Variants in ZMYM1 observed in about 807,000 individuals in gnomAD.
ZMYM1 encodes zinc finger MYM-type protein 1.
In ZMYM1, 39 loss-of-function variants were observed where a neutral mutation model predicts 60.0. That is an observed-to-expected ratio of 0.65 (90% CI 0.50 to 0.85). The LOEUF is 0.85. ZMYM1 is among the 40% of genes least tolerant of loss of function. The pLI is 0.00. For missense variants in ZMYM1, 1,171 were observed against 1,309.5 expected (o/e 0.89, Z 1.63); for synonymous variants, 413 against 454.0 (o/e 0.91, Z 1.15).
intron 1 of ZMYM1, among the ~76,000 whole-genome samples, chr1:35,073,365 G>GGAAGGAAGGAAGGAAA (rs1557626645): frequency 1.9e-4 from 27 of 145,900 alleles, no homozygotes; most frequent in Admixed American, 5.6e-4. Context: ...AAGGAAGGAA[G>GGAAGGAAGGAAGGAAA]GAAGGAAGGA....
At chr1:35,102,110 G>A (rs1643691281) in intron 4 of ZMYM1, among the ~76,000 whole-genome samples, 1 of 152,138 alleles carries the variant, frequency 6.6e-6, no homozygotes, top group Admixed American at 6.5e-5. Context: ...GCAAAGTGTT[G>A]TTTTGGTTGA....
chr1:35,118,298 A>G (rs1451448989), downstream of ZMYM1, among the ~76,000 whole-genome samples: 1 of 151,676 alleles, frequency 6.6e-6, no homozygotes, highest in Admixed American at 6.6e-5. Context: ...TGTGTGTTGC[A>G]TATATTTTCA....
downstream of ZMYM1, among the ~76,000 whole-genome samples, chr1:35,118,006 A>G (rs1427208643): frequency 6.6e-6 from 1 of 151,732 alleles, no homozygotes; most frequent in Non-Finnish European, 1.5e-5. Context: ...TTGGGAGGCT[A>G]AGGCAGGCGG....
chr1:35,098,773 G>A (rs1643477395), intron 4 of ZMYM1, among the ~76,000 whole-genome samples: 1 of 152,098 alleles, frequency 6.6e-6, no homozygotes, highest in Non-Finnish European at 1.5e-5. Flanking sequence ...TGAGCACTGT[G>A]GCATGCACCT....
rs1253752003 is a variant in ZMYM1 at position 35,097,451 on chromosome 1, G to T, written c.304G>T (p.Ala102Ser). ...CKKILQKGQT[A>S]YQRKGSAQLF... ...AAAAATTCTCCAGAAGGGGCAAACT[G>T]CTTATCAGAGGAAAGGATCTGCTCA... Residue 102 changes from alanine to serine, a missense_variant, in exon 4 of 10, where the codon GCT becomes TCT. Transcript: ENST00000359858. 1 of 1,614,028 alleles carries T rather than the reference G, an allele frequency of 6.2e-7. No individual in the cohort carries two copies. The highest frequency in any genetic ancestry group is 8.5e-7 in the Non-Finnish European group (1 of 1,180,036).
intron 6 of ZMYM1, among the ~76,000 whole-genome samples, chr1:35,107,296 T>A (rs1360377211): frequency 2.6e-4 from 35 of 135,352 alleles, no homozygotes; most frequent in African/African-American, 1.0e-3. Context: ...CCATCGTTAC[T>A]AAAAATACAA....
Position 35,113,057 on chromosome 1 carries a change from A to G in ZMYM1, c.1227A>G (p.Ser409=), listed in dbSNP as rs368759020. The change falls in exon 10 of 10, where the codon TCA becomes TCG. Residue 409 remains serine, a synonymous_variant. Coordinates refer to ENST00000359858, the MANE Select transcript of ZMYM1 (RefSeq NM_024772.5). ...AACAGCCAAGCGTTTCACCATCTTC[A>G]TCAGTATTCAGTCAGCATGCAATTG... is the stretch of plus-strand genomic sequence containing the variant. ...STEQPSVSPS[S]SVFSQHAIGS... 1 of 1,613,882 alleles carries G rather than the reference A, an allele frequency of 6.2e-7. No homozygotes were observed. Among genetic ancestry groups the G allele is most frequent in the African/African-American group, 1.3e-5 (1 of 74,930 alleles).
Position 35,111,868 on chromosome 1 carries a change from A to G in ZMYM1, c.1058A>G (p.Asp353Gly), listed in dbSNP as rs767324177. Residue 353 changes from aspartate to glycine, a missense_variant, in exon 8 of 10, where the codon GAC (aspartate) becomes GGC (glycine). Transcript: ENST00000359858. ...ATAAGCAATATAGTGTCATTGGCAG[A>G]CACCGATGTTGCCTTGCCCATCATG... is the stretch of plus-strand genomic sequence containing the variant. ...PVISNIVSLA[D>G]TDVALPIMNT... is the part of the protein sequence containing the mutation. 1 of 1,605,114 alleles carries G rather than the reference A, an allele frequency of 6.2e-7. No homozygotes were observed. Among genetic ancestry groups the G allele is most frequent in the South Asian group, 1.1e-5 (1 of 89,390 alleles).
At chr1:35,074,961 C>T (rs865817971), upstream of ZMYM1, among the ~76,000 whole-genome samples, 35 of 149,892 alleles carry the variant, frequency 2.3e-4, no homozygotes, top group African/African-American at 2.7e-4. Flanking sequence ...CCTGGGTTTA[C>T]GCCATTCTCC....
At chr1:35,111,333 G>C (rs1644079394) in intron 7 of ZMYM1, among the ~76,000 whole-genome samples, 2 of 152,134 alleles carry the variant, frequency 1.3e-5, no homozygotes, top group Admixed American at 1.3e-4. Flanking sequence ...ATACAAACTG[G>C]CTTGTTACAG....
chr1:35,106,859 G>T, intron 6 of ZMYM1, among the ~76,000 whole-genome samples: 1 of 150,368 alleles, frequency 6.7e-6, no homozygotes, highest in African/African-American at 2.5e-5. Flanking sequence ...TGTTGTTGTT[G>T]TTTGTTTTTT....
At chr1:35,065,700 A>C (rs1641962109) in intron 1 of ZMYM1, among the ~76,000 whole-genome samples, 1 of 151,890 alleles carries the variant, frequency 6.6e-6, no homozygotes, top group South Asian at 2.1e-4. Context: ...AGAAGGAAGG[A>C]AATAAAGAGC....
intron 1 of ZMYM1, among the ~76,000 whole-genome samples, chr1:35,067,597 G>A (rs926457987): frequency 2.6e-5 from 4 of 152,020 alleles, no homozygotes; most frequent in African/African-American, 9.7e-5. Flanking sequence ...ACTCATGGCC[G>A]GGTGCAGTGG....
At chr1:35,107,430 C>T (rs1570014776) in intron 6 of ZMYM1, among the ~76,000 whole-genome samples, 2 of 150,658 alleles carry the variant, frequency 1.3e-5, no homozygotes, top group African/African-American at 4.9e-5. Context: ...GATCGTGCCA[C>T]TGCACTCCAG....
chr1:35,081,680 A>G (rs1007305601), intron 1 of ZMYM1, among the ~76,000 whole-genome samples: 9 of 152,062 alleles, frequency 5.9e-5, no homozygotes, highest in Admixed American at 2.0e-4. Context: ...GTTCTAGTAT[A>G]AAGAAATAAA....
chr1:35,091,446 C>T lies in ZMYM1; in HGVS notation c.-74-2468C>T, dbSNP rs372673039. ...GCCAGGATGATCTTGATCTCCTGAC[C>T]TCATGATCCACCCGCCTCAGCCTCC... On this transcript the variant is annotated intron_variant, in intron 1 of 9. Transcript: ENST00000359858. 8.6e-4 allele frequency among the ~76,000 whole-genome samples: 131 copies of T among 152,224 alleles called. 2 individuals carry two copies. In the South Asian group the frequency reaches 0.021, roughly 25 times the overall value.
intron 1 of ZMYM1, among the ~76,000 whole-genome samples, chr1:35,070,116 C>T (rs1445088784): frequency 6.6e-6 from 1 of 152,030 alleles, no homozygotes; most frequent in Non-Finnish European, 1.5e-5. Flanking sequence ...TTTTATATTT[C>T]TGTGAATAAT....
chr1:35,088,194 C>T (rs1642760397), intron 1 of ZMYM1, among the ~76,000 whole-genome samples: 1 of 151,674 alleles, frequency 6.6e-6, no homozygotes, highest in Admixed American at 6.6e-5. Flanking sequence ...CCGAGGCAGG[C>T]GGATCACAAG....
chr1:35,078,831 G>A (rs1642226224), upstream of ZMYM1, among the ~76,000 whole-genome samples: 1 of 152,032 alleles, frequency 6.6e-6, no homozygotes, highest in African/African-American at 2.4e-5. Flanking sequence ...TTATAGGTGT[G>A]ACCCACCACA....
Sources: allele counts gnomAD v4.1 joint callset (sites outside exome capture counted in the v4.1 genomes callset), GRCh38; gene constraint gnomAD v4.1.1; transcripts MANE v1.5; gene names NCBI Gene and HGNC (gene_info 2026-07-23, HGNC 2026-07-21).